Variants in TMEM132C observed in about 807,000 individuals in gnomAD.
TMEM132C encodes the protein protein phosphatase 1, regulatory subunit 152.
A neutral mutation model predicts 61.4 loss-of-function variants in TMEM132C; 29 were observed. That is an observed-to-expected ratio of 0.47 (90% CI 0.35 to 0.64). The LOEUF is 0.64. Among genes scored for constraint, TMEM132C ranks in the 30% least tolerant of loss-of-function variants. The pLI, the probability that TMEM132C is intolerant of heterozygous loss-of-function variation, is 0.00. For synonymous variants in TMEM132C, 656 were observed against 633.1 expected (o/e 1.04, Z -0.54); for missense variants, 1,408 against 1,476.9 (o/e 0.95, Z 0.76).
intron 2 of TMEM132C, among the ~76,000 whole-genome samples, chr12:128,489,700 A>C (rs1483541919): frequency 2.6e-5 from 4 of 151,902 alleles, no homozygotes; most frequent in African/African-American, 9.7e-5. Context: ...ATATATATAC[A>C]TGTGGGAATA....
intron 3 of TMEM132C, among the ~76,000 whole-genome samples, chr12:128,583,743 G>GC (rs1875435915): frequency 1.3e-5 from 2 of 152,170 alleles, no homozygotes; most frequent in South Asian, 4.1e-4. Flanking sequence ...CACAGCAGCC[G>GC]CCCCCCGCCC....
At chr12:128,598,871 G>T (rs1159532085) in intron 3 of TMEM132C, among the ~76,000 whole-genome samples, 1 of 151,406 alleles carries the variant, frequency 6.6e-6, no homozygotes, top group African/African-American at 2.4e-5. Flanking sequence ...TTTGGGGTGG[G>T]GTTTGGGTGG....
At chr12:128,478,210 C>T (rs1871213827) in intron 2 of TMEM132C, among the ~76,000 whole-genome samples, 1 of 152,216 alleles carries the variant, frequency 6.6e-6, no homozygotes, top group African/African-American at 2.4e-5. Flanking sequence ...GTAATGAATG[C>T]TCATTCGAGA....
chr12:128,623,976 G>A (rs182221410), intron 4 of TMEM132C, among the ~76,000 whole-genome samples: 1 of 152,306 alleles, frequency 6.6e-6, no homozygotes, highest in African/African-American at 2.4e-5. Flanking sequence ...TCACTTTCCA[G>A]GTCAATTGGA....
intron 1 of TMEM132C, among the ~76,000 whole-genome samples, chr12:128,276,280 A>G (rs527514903): frequency 7.0e-4 from 106 of 152,216 alleles, no homozygotes; most frequent in Non-Finnish European, 1.2e-3. Context: ...TCCACAGTAC[A>G]ATACAATGGA....
chr12:128,687,079 G>A (rs769257960), intron 5 of TMEM132C, among the ~76,000 whole-genome samples: 28 of 151,840 alleles, frequency 1.8e-4, no homozygotes, highest in Non-Finnish European at 3.2e-4. Flanking sequence ...GTGCATGCCT[G>A]TAGTCCCAGC....
At chr12:128,650,029 A>G (rs1593134288) in intron 4 of TMEM132C, among the ~76,000 whole-genome samples, 1 of 152,142 alleles carries the variant, frequency 6.6e-6, no homozygotes, top group African/African-American at 2.4e-5. Context: ...GCTGTTAGCT[A>G]TGTCCTCAGG....
intron 4 of TMEM132C, among the ~76,000 whole-genome samples, chr12:128,639,362 T>A (rs533250617): frequency 1.3e-5 from 2 of 152,114 alleles, no homozygotes; most frequent in South Asian, 4.2e-4. Context: ...ATGAAGATGA[T>A]GATGGTGATA....
chr12:128,564,317 G>A (rs1874625164), intron 3 of TMEM132C, among the ~76,000 whole-genome samples: 2 of 152,212 alleles, frequency 1.3e-5, no homozygotes, highest in East Asian at 1.9e-4. Flanking sequence ...ACACCTTTGT[G>A]TTGAGAAATA....
intron 3 of TMEM132C, among the ~76,000 whole-genome samples, chr12:128,562,681 C>T (rs957223134): frequency 1.3e-5 from 2 of 152,186 alleles, no homozygotes; most frequent in African/African-American, 2.4e-5. Context: ...GCCTTCCTCC[C>T]GTGGAGCAGA....
chr12:128,305,168 C>T (rs1320835701), intron 1 of TMEM132C, among the ~76,000 whole-genome samples: 1 of 151,930 alleles, frequency 6.6e-6, no homozygotes, highest in East Asian at 1.9e-4. Flanking sequence ...CACTTGAGGC[C>T]AGGAGTTCGG....
chr12:128,385,044 C>A (rs1241227862), intron 1 of TMEM132C, among the ~76,000 whole-genome samples: 3 of 152,184 alleles, frequency 2.0e-5, no homozygotes, highest in Non-Finnish European at 4.4e-5. Flanking sequence ...TATGGGATGT[C>A]ATACCCCTTT....
chr12:128,416,073 T>A (rs769182306), intron 2 of TMEM132C, among the ~76,000 whole-genome samples: 5 of 152,178 alleles, frequency 3.3e-5, no homozygotes, highest in Non-Finnish European at 7.3e-5. Flanking sequence ...CCCTTTTTTT[T>A]AATTAGGTGG....
intron 2 of TMEM132C, among the ~76,000 whole-genome samples, chr12:128,442,540 G>C (rs1415095287): frequency 1.3e-5 from 2 of 149,638 alleles, no homozygotes; most frequent in African/African-American, 4.9e-5. Context: ...AAAATTAAAA[G>C]AATTTTAATT....
chr12:128,543,397 G>A (rs972345261), intron 2 of TMEM132C, among the ~76,000 whole-genome samples: 2 of 152,148 alleles, frequency 1.3e-5, no homozygotes, highest in South Asian at 2.1e-4. Flanking sequence ...AATTTGCACC[G>A]CTAGGAAGTG....
At chr12:128,573,064 A>G (rs1019205557) in intron 3 of TMEM132C, among the ~76,000 whole-genome samples, 1 of 152,220 alleles carries the variant, frequency 6.6e-6, no homozygotes, top group Admixed American at 6.5e-5. Flanking sequence ...AGGATCTAGA[A>G]CTAGAAATAC....
At chr12:128,599,413 C>G (rs1876088422) in intron 3 of TMEM132C, among the ~76,000 whole-genome samples, 1 of 152,242 alleles carries the variant, frequency 6.6e-6, no homozygotes, top group South Asian at 2.1e-4. Context: ...TCCTGTGGCA[C>G]TGGGAAACCT....
rs372811916 is a variant in TMEM132C at position 128,635,462 on chromosome 12, C to CTTTTTTT, written c.1305+19137_1305+19143dup. On this transcript the variant is annotated intron_variant, in intron 4 of 8. Transcript: ENST00000435159. ...AATAGCTAGATGAAATGAGTTTTTT[C>CTTTTTTT]TTTTTTTTTTTTTTTTGGTTTCTAT... Among the ~76,000 whole-genome samples the CTTTTTTT allele has an allele frequency of 2.9e-3, 382 of 130,376 alleles. 2 individuals are homozygous for CTTTTTTT. Among genetic ancestry groups the CTTTTTTT allele is most frequent in the African/African-American group, 9.7e-3 (352 of 36,458 alleles). The allele number at this position is 130,376 out of a possible 152,430, so 85.5% of individuals were successfully genotyped here.
At chr12:128,541,484 C>T (rs913475800) in intron 2 of TMEM132C, among the ~76,000 whole-genome samples, 8 of 152,306 alleles carry the variant, frequency 5.3e-5, no homozygotes, top group Middle Eastern at 6.8e-3. Context: ...CCAACCCTAT[C>T]CTGAAGCTAC....
Sources: allele counts gnomAD v4.1 joint callset (sites outside exome capture counted in the v4.1 genomes callset), GRCh38; gene constraint gnomAD v4.1.1; transcripts MANE v1.5; gene names NCBI Gene and HGNC (gene_info 2026-07-23, HGNC 2026-07-21).